Variants in DESI2 observed in about 807,000 individuals in gnomAD.
The protein encoded by DESI2 is deubiquitinase DESI2.
DESI2 carries 10 observed loss-of-function variants against 24.1 expected under a neutral mutation model. The ratio of observed to expected loss-of-function variants is 0.41; its 90% CI spans 0.26 to 0.70. The LOEUF (loss-of-function observed/expected upper bound fraction) is 0.70, where lower values mean the gene tolerates loss of function less well. DESI2 is among the 30% of genes least tolerant of loss of function. DESI2 has a pLI of 0.29. For synonymous variants in DESI2, 71 were observed against 87.7 expected, an observed-to-expected ratio of 0.81 and a Z score of 1.06; for missense variants, 122 against 234.9, an observed-to-expected ratio of 0.52 and a Z score of 3.14.
intron 2 of DESI2, among the ~76,000 whole-genome samples, chr1:244,687,608 G>C (rs780215808): frequency 6.6e-6 from 1 of 152,212 alleles, no homozygotes; most frequent in African/African-American, 2.4e-5. Context: ...AAATGTGTCA[G>C]TATGGTGGTT....
chr1:244,692,944 CTCTAG>C (rs1245406265), intron 4 of DESI2, among the ~76,000 whole-genome samples: 1 of 152,156 alleles, frequency 6.6e-6, no homozygotes. Context: ...TCAAGAAACA[CTCTAG>C]TCTAGCGGAT....
intron 1 of DESI2, among the ~76,000 whole-genome samples, chr1:244,670,396 A>G (rs771231204): frequency 6.6e-6 from 1 of 152,244 alleles, no homozygotes; most frequent in Admixed American, 6.5e-5. Flanking sequence ...GACACTGTAC[A>G]GATAACCAGA....
chr1:244,682,814 A>G (rs1393162771), intron 1 of DESI2, among the ~76,000 whole-genome samples: 1 of 151,946 alleles, frequency 6.6e-6, no homozygotes, highest in African/African-American at 2.4e-5. Flanking sequence ...AGATGTAGAT[A>G]CAGACATTCT....
intron 1 of DESI2, among the ~76,000 whole-genome samples, chr1:244,673,085 C>T (rs1364461670): frequency 1.3e-5 from 2 of 152,160 alleles, no homozygotes; most frequent in Non-Finnish European, 2.9e-5. Context: ...ATATTGTCTG[C>T]ATAGCTTTGG....
chr1:244,687,971 G>C (rs1315241082), intron 2 of DESI2, among the ~76,000 whole-genome samples: 4 of 152,178 alleles, frequency 2.6e-5, no homozygotes, highest in African/African-American at 4.8e-5. Flanking sequence ...CCATTTTTCA[G>C]CTGAAGAAAC....
In DESI2 at chr1:244,706,320, C is replaced by T. The variant is rs1257723364; in HGVS notation, c.*531C>T. On this transcript the variant is annotated 3_prime_UTR_variant, in exon 5 of 5. Coordinates refer to ENST00000302550, the MANE Select transcript of DESI2 (RefSeq NM_016076.5). ...CCAGGATGCAGAGAATCAGACTGGC[C>T]TGAGGTGAAGGAGCACACAGCCCTG... is the stretch of plus-strand genomic sequence containing the variant. 1.2e-5 allele frequency: 2 copies of T among 161,296 alleles called. No homozygotes were observed. The highest frequency in any genetic ancestry group is 2.7e-5 in the Non-Finnish European group (2 of 73,628). 10.0% of individuals were successfully genotyped at this position (161,296 alleles called of 1,614,324 possible). A position where few individuals can be genotyped will look rare whatever the true frequency, so the allele number is the denominator to read the frequency against.
chr1:244,684,435 G>C (rs997691902), intron 1 of DESI2, among the ~76,000 whole-genome samples: 4 of 152,080 alleles, frequency 2.6e-5, no homozygotes, highest in African/African-American at 7.2e-5. Context: ...TGTTGCAATT[G>C]GTGGTAGTTT....
intron 4 of DESI2, among the ~76,000 whole-genome samples, chr1:244,698,681 AAG>A (rs1677312670): frequency 6.6e-6 from 1 of 152,244 alleles, no homozygotes; most frequent in Non-Finnish European, 1.5e-5. Flanking sequence ...GTTAAACTGA[AAG>A]AGATACAGGC....
chr1:244,706,245 C>T lies in DESI2; in HGVS notation c.*456C>T, dbSNP rs1677701212. 6.1e-6 allele frequency: 1 copy of T among 164,862 alleles called. No individual in the cohort carries two copies. The highest frequency in any genetic ancestry group is 2.4e-5 in the African/African-American group (1 of 41,530). 10.2% of individuals were successfully genotyped at this position (164,862 alleles called of 1,614,324 possible). A position where few individuals can be genotyped will look rare whatever the true frequency, so the allele number is the denominator to read the frequency against. On this transcript the variant is annotated 3_prime_UTR_variant, in exon 5 of 5. Transcript: ENST00000302550. ...AAACAGTTATAGTCACCATCACCTG[C>T]TTCAGAATGGTCTTTTAGATTTGTG... is the stretch of plus-strand genomic sequence containing the variant.
At chr1:244,705,503 A>G in intron 4 of DESI2, 53 bp from the exon 5 acceptor site, 1 of 1,470,390 alleles carries the variant, frequency 6.8e-7, no homozygotes, top group African/African-American at 1.4e-5. Context: ...CTGGCAGTGG[A>G]CCAGGTAATC....
intron 4 of DESI2, among the ~76,000 whole-genome samples, chr1:244,698,930 G>C (rs528239203): frequency 2.5e-3 from 378 of 152,250 alleles, no homozygotes; most frequent in African/African-American, 8.2e-3. Flanking sequence ...ACATGTTGAG[G>C]GGAAAGCATA....
At chr1:244,663,828 C>T (rs1452400710) in intron 1 of DESI2, among the ~76,000 whole-genome samples, 1 of 151,724 alleles carries the variant, frequency 6.6e-6, no homozygotes, top group Non-Finnish European at 1.5e-5. Context: ...ACCATCCTGG[C>T]TAACACGGTG....
intron 1 of DESI2, among the ~76,000 whole-genome samples, chr1:244,668,041 T>G (rs1676108453): frequency 6.6e-6 from 1 of 152,276 alleles, no homozygotes; most frequent in South Asian, 2.1e-4. Flanking sequence ...ATTGACTATA[T>G]GTATACATTT....
intron 1 of DESI2, among the ~76,000 whole-genome samples, chr1:244,677,289 T>G (rs1246997476): frequency 1.3e-5 from 2 of 152,180 alleles, no homozygotes; most frequent in Non-Finnish European, 2.9e-5. Flanking sequence ...TTTGGTAGCT[T>G]GTGAATTTGT....
chr1:244,705,489 C>G, intron 4 of DESI2, 67 bp from the exon 5 acceptor site: 1 of 1,400,794 alleles, frequency 7.1e-7, no homozygotes, highest in Non-Finnish European at 1.0e-6. Flanking sequence ...CCACCCTCCA[C>G]TCCCTGGCAG....
chr1:244,707,723 T>C lies in DESI2; in HGVS notation c.*1934T>C, dbSNP rs2148823415. 6.6e-6 allele frequency: 1 copy of C among 152,328 alleles called. No homozygotes were observed. Among genetic ancestry groups the C allele is most frequent in the Non-Finnish European group, 1.5e-5 (1 of 68,034 alleles). The allele number at this position is 152,328 out of a possible 1,614,324, so 9.4% of individuals were successfully genotyped here. A position where few individuals can be genotyped will look rare whatever the true frequency, so the allele number is the denominator to read the frequency against. On this transcript the variant is annotated 3_prime_UTR_variant, in exon 5 of 5. Coordinates refer to ENST00000302550, the MANE Select transcript of DESI2 (RefSeq NM_016076.5). ...ACCTGGGCTACTGACACACACACAG[T>C]AGCCATTAGTTAGACTCTTCTTAGT...
chr1:244,689,945 A>C lies in DESI2; in HGVS notation c.209+603A>C, dbSNP rs1676963015. On this transcript the variant is annotated intron_variant, in intron 3 of 4. Transcript: ENST00000302550. This position sits in a 1 kb window ranked among gnomAD's most constrained non-coding sequence, Gnocchi z 4.0. Reference sequence around the variant, plus strand: ...AAGGGACACTTTACACGTTTGAAATAATTAAACAGTTGATTAGCGTAGAAT... The same window carrying C: ...AAGGGACACTTTACACGTTTGAAATCATTAAACAGTTGATTAGCGTAGAAT... 6.6e-6 allele frequency among the ~76,000 whole-genome samples: 1 copy of C among 152,274 alleles called. No homozygotes were observed. Among genetic ancestry groups the C allele is most frequent in the Non-Finnish European group, 1.5e-5 (1 of 68,052 alleles).
chr1:244,686,553 T>C (rs763471811), intron 1 of DESI2, 44 bp from the exon 2 acceptor site: 1 of 1,315,252 alleles, frequency 7.6e-7, no homozygotes, highest in South Asian at 1.2e-5. Flanking sequence ...AGTTGGGTTG[T>C]AAATGAACAG....
chr1:244,698,606 C>T (rs1195048213), intron 4 of DESI2, among the ~76,000 whole-genome samples: 1 of 152,216 alleles, frequency 6.6e-6, no homozygotes, highest in East Asian at 1.9e-4. Context: ...GTTGCTTGGA[C>T]TTGACGCTTG....
Sources: gnomAD v4.1 joint callset for allele counts (sites outside exome capture counted in the v4.1 genomes callset) on GRCh38, gnomAD v4.1.1 for gene constraint, Gnocchi (gnomAD v3.1) non-coding constraint, MANE v1.5 for transcripts, NCBI Gene and HGNC (gene_info 2026-07-23, HGNC 2026-07-21) for gene names.